PRPF3: variants seen among roughly 807,000 people sequenced by gnomAD.
The protein encoded by PRPF3 is pre-mRNA processing factor 3.
Under a neutral mutation model 89.2 loss-of-function variants are expected in PRPF3, and 3 were observed. The observed-to-expected ratio is 0.03, with a 90% confidence interval of 0.02 to 0.09. The LOEUF (loss-of-function observed/expected upper bound fraction) is 0.09. PRPF3 is among the 10% of genes least tolerant of loss of function. The pLI, the probability that PRPF3 is intolerant of heterozygous loss-of-function variation, is 1.00. For missense variants in PRPF3, 463 were observed against 828.8 expected, an observed-to-expected ratio of 0.56 and a Z score of 5.42; for synonymous variants, 270 against 289.1, an observed-to-expected ratio of 0.93 and a Z score of 0.67.
In PRPF3 at chr1:150,337,040, C is replaced by CCTTT. The variant is rs782299876; in HGVS notation, c.1036-1120_1036-1119insCTTT. ...TCAAAGTGAGGTTTTCATAAAATTC[C>CCTTT]TTTTTTTTTTTTTTTTGAGACGGAG... On this transcript the variant is annotated intron_variant, in intron 7 of 15. Coordinates refer to ENST00000324862, the MANE Select transcript of PRPF3 (RefSeq NM_004698.4). 1.0e-3 allele frequency among the ~76,000 whole-genome samples: 121 copies of CCTTT among 121,258 alleles called. 5 individuals carry two copies. The highest frequency in any genetic ancestry group is 3.7e-3 in the African/African-American group (117 of 32,044). The allele number at this position is 121,258 out of a possible 152,430, so 79.5% of individuals were successfully genotyped here.
intron 4 of PRPF3, among the ~76,000 whole-genome samples, chr1:150,332,091 G>C (rs1376782436): frequency 2.0e-5 from 3 of 151,958 alleles, no homozygotes; most frequent in African/African-American, 7.3e-5. Flanking sequence ...GGGCGTGGTG[G>C]TGGGCGCCTA....
At chr1:150,336,275 G>A (rs1444748778) in intron 7 of PRPF3, among the ~76,000 whole-genome samples, 9 of 152,124 alleles carry the variant, frequency 5.9e-5, no homozygotes, top group South Asian at 4.2e-4. Flanking sequence ...AATAGGGTTC[G>A]CGCTCCTCTG....
chr1:150,344,689 C>A, intron 12 of PRPF3, 142 bp downstream of exon 12: 1 of 890,158 alleles, frequency 1.1e-6, no homozygotes, highest in Non-Finnish European at 1.8e-6. Flanking sequence ...GGATCAAGAG[C>A]TAGTAAATCT....
At position 150,348,460 on chromosome 1, in the gene PRPF3, ATTTTT is replaced by A. The variant is rs1185909509; in HGVS notation, c.1844-682_1844-678del. ...AAAAAATATTTTGTTCTACACGTGC[ATTTTT>A]TTTTTTTTTTTTTTGAGATGGAGTC... On this transcript the variant is annotated intron_variant, in intron 14 of 15. Coordinates refer to ENST00000324862, the MANE Select transcript of PRPF3 (RefSeq NM_004698.4). 4.1e-5 allele frequency among the ~76,000 whole-genome samples: 2 copies of A among 48,464 alleles called. 1 individual carries two copies. Among genetic ancestry groups the A allele is most frequent in the African/African-American group, 1.8e-4 (2 of 11,206 alleles). The allele number at this position is 48,464 out of a possible 152,430, so 31.8% of individuals were successfully genotyped here.
chr1:150,324,519 C>T (rs112012178), intron 1 of PRPF3, among the ~76,000 whole-genome samples: 122 of 151,318 alleles, frequency 8.1e-4, no homozygotes, highest in African/African-American at 2.8e-3. Context: ...GGAATGCATT[C>T]CTGATGTACT....
chr1:150,333,957 C>T (rs1161539985), intron 6 of PRPF3, among the ~76,000 whole-genome samples: 3 of 152,110 alleles, frequency 2.0e-5, no homozygotes, highest in African/African-American at 7.2e-5. Context: ...AATTTATAAA[C>T]TCATTTCATT....
intron 9 of PRPF3, among the ~76,000 whole-genome samples, chr1:150,341,307 C>T (rs143266499): frequency 2.8e-4 from 42 of 151,200 alleles, no homozygotes; most frequent in Middle Eastern, 6.9e-3. Context: ...TTATTAGATG[C>T]GATATGCTCC....
chr1:150,339,737 G>GTTTTTTTTTTT, intron 8 of PRPF3, among the ~76,000 whole-genome samples: 1 of 110,266 alleles, frequency 9.1e-6, no homozygotes, highest in Non-Finnish European at 1.8e-5. Flanking sequence ...CACGCCTGGC[G>GTTTTTTTTTTT]TTTTTTTTTT....
chr1:150,348,612 GCCA>G (rs1658572475), intron 14 of PRPF3: 2 of 156,690 alleles, frequency 1.3e-5, no homozygotes, highest in Admixed American at 1.2e-4. Context: ...ACAGGCACCT[GCCA>G]CCACACCTGG....
chr1:150,348,758 G>A lies in PRPF3; in HGVS notation c.1844-399G>A, dbSNP rs587601092. 3.9e-5 allele frequency: 10 copies of A among 258,152 alleles called. No homozygotes were observed. In the East Asian group the frequency reaches 1.0e-3, roughly 26 times the overall value. 16.0% of individuals were successfully genotyped at this position (258,152 alleles called of 1,614,324 possible). On this transcript the variant is annotated intron_variant, in intron 14 of 15. Transcript: ENST00000324862. ...GATTACAGGCGTGAGCCACCACGCTGGCCGATAATTTTGATTTGGTATATC... is the reference window on the plus strand; with the variant it reads ...GATTACAGGCGTGAGCCACCACGCTAGCCGATAATTTTGATTTGGTATATC...
At position 150,346,121 on chromosome 1, in the gene PRPF3, G is replaced by A; in HGVS notation, c.1744G>A (p.Val582Ile). 1 of 1,614,112 alleles carries A rather than the reference G, an allele frequency of 6.2e-7. No homozygotes were observed. Among genetic ancestry groups the A allele is most frequent in the South Asian group, 1.1e-5 (1 of 91,088 alleles). Residue 582 changes from valine (V) to isoleucine (I), a missense_variant, in exon 13 of 16, where the codon GTA becomes ATA. Coordinates refer to ENST00000324862, the MANE Select transcript of PRPF3 (RefSeq NM_004698.4). The stretch of plus-strand genomic sequence containing the variant: ...GGTACTGCACAAGGATGTCAACGTG[G>A]TAGTAGTGGAAGGGGGTGAGTCTGA... Reference protein sequence around the residue: ...VVVLHKDVNVVVVEGGPKAQK... With the variant: ...VVVLHKDVNVIVVEGGPKAQK...
intron 3 of PRPF3, 145 bp from the exon 4 acceptor site, chr1:150,328,175 A>G: frequency 2.4e-6 from 2 of 826,202 alleles, no homozygotes; most frequent in Non-Finnish European, 4.0e-6. Context: ...AGTCTAGTAG[A>G]CCCTGCTTCT....
chr1:150,323,299 C>G (rs1553862742), intron 1 of PRPF3, among the ~76,000 whole-genome samples: 7 of 148,864 alleles, frequency 4.7e-5, no homozygotes. Flanking sequence ...GCCTCTGCCT[C>G]ATAAGTAGCT....
At chr1:150,328,801 C>A (rs1275717786) in intron 4 of PRPF3, among the ~76,000 whole-genome samples, 1 of 151,768 alleles carries the variant, frequency 6.6e-6, no homozygotes, top group Non-Finnish European at 1.5e-5. Context: ...GATGCACTCA[C>A]CTTGGCCTCT....
intron 14 of PRPF3, 71 bp downstream of exon 14, chr1:150,346,562 CTTA>C (rs1658288858): frequency 9.8e-6 from 14 of 1,426,834 alleles, no homozygotes; most frequent in Non-Finnish European, 1.4e-5. Flanking sequence ...GTCCGTTCAT[CTTA>C]TTTCCTCCCT....
Position 150,338,258 on chromosome 1 carries a change from G to A in PRPF3, c.1134G>A (p.Glu378=), listed in dbSNP as rs782165835. The change falls in exon 8 of 16, where the codon GAG becomes GAA. Residue 378 remains glutamate, a synonymous_variant. Transcript: ENST00000324862. ...TRLALIAPKK[E]LKEGDIPEIE... ...TTGCCCTCATTGCTCCTAAGAAGGAGCTAAAGGAAGGAGATATTCCTGAAA... is the reference window on the plus strand; with the variant it reads ...TTGCCCTCATTGCTCCTAAGAAGGAACTAAAGGAAGGAGATATTCCTGAAA... 3 of 1,613,958 alleles carry A rather than the reference G, an allele frequency of 1.9e-6. No homozygotes were observed. Among genetic ancestry groups the A allele is most frequent in the South Asian group, 1.1e-5 (1 of 91,086 alleles).
At chr1:150,330,718 C>T (rs1553865233) in intron 4 of PRPF3, among the ~76,000 whole-genome samples, 1 of 13,408 alleles carries the variant, frequency 7.5e-5, no homozygotes, top group Non-Finnish European at 1.4e-4. Flanking sequence ...TGTTATGTTT[C>T]TTTCTTTTTT....
In PRPF3 at chr1:150,342,986, A is replaced by G. The variant is rs587698050; in HGVS notation, c.1283-323A>G. Among the ~76,000 whole-genome samples the G allele has an allele frequency of 2.0e-5, 3 of 152,168 alleles. No individual in the cohort carries two copies. In the South Asian group the frequency reaches 6.2e-4, roughly 32 times the overall value. ...GTCCAGCCTAAAGTTTCTTTTAATG[A>G]TATTGATATTTACCTAGGTTTCTTT... On this transcript the variant is annotated intron_variant, in intron 9 of 15. Transcript: ENST00000324862.
intron 15 of PRPF3, among the ~76,000 whole-genome samples, chr1:150,350,530 C>G (rs1397736310): frequency 6.6e-6 from 1 of 152,084 alleles, no homozygotes. Context: ...GTGCTTATTT[C>G]TAGTATATGT....
Sources: gnomAD v4.1 joint callset for allele counts (sites outside exome capture counted in the v4.1 genomes callset) on GRCh38, gnomAD v4.1.1 for gene constraint, MANE v1.5 for transcripts, NCBI Gene and HGNC (gene_info 2026-07-23, HGNC 2026-07-21) for gene names.